Variants in MCTP2 observed in about 807,000 individuals in gnomAD.
The protein encoded by MCTP2 is multiple C2 and transmembrane domain-containing protein 2.
In MCTP2, 132 loss-of-function variants were observed where a neutral mutation model predicts 111.6. That is an observed-to-expected ratio of 1.18 (90% confidence interval 1.03 to 1.37). The LOEUF is 1.37. Ranked by LOEUF, MCTP2 falls within the 40% of genes most tolerant of loss-of-function variation. The pLI, the probability that MCTP2 is intolerant of heterozygous loss-of-function variation, is 0.00. For missense variants in MCTP2, 1,183 were observed against 1,067.9 expected, an observed-to-expected ratio of 1.11 and a Z score of -1.50; for synonymous variants, 395 against 387.7, an observed-to-expected ratio of 1.02 and a Z score of -0.22.
rs964690177 is a variant in MCTP2, at chr15:94,400,111, C to T, written c.1965+116C>T. 2.2e-5 allele frequency: 18 copies of T among 806,712 alleles called. No individual in the cohort carries two copies. In the African/African-American group the frequency reaches 2.9e-4, roughly 13 times the overall value. The allele number at this position is 806,712 out of a possible 1,614,324, so 50.0% of individuals were successfully genotyped here. Reference sequence around the variant, plus strand: ...ACTTTTCCTCCCTCTTACTCCTCCTCTCTCCCTCTTGCCCCATCTCTCCAC... The same window carrying T: ...ACTTTTCCTCCCTCTTACTCCTCCTTTCTCCCTCTTGCCCCATCTCTCCAC... On this transcript the variant is annotated intron_variant, in intron 16 of 22. Coordinates refer to ENST00000357742, the MANE Select transcript of MCTP2 (RefSeq NM_001385001.1).
intron 14 of MCTP2, among the ~76,000 whole-genome samples, chr15:94,391,661 T>C (rs754057049): frequency 1.3e-5 from 2 of 152,192 alleles, no homozygotes; most frequent in African/African-American, 4.8e-5. Flanking sequence ...AATGTAACCA[T>C]TGAAATAAAT....
intron 15 of MCTP2, 41 bp from the exon 16 acceptor site, chr15:94,399,880 C>A: frequency 6.4e-7 from 1 of 1,554,046 alleles, no homozygotes; most frequent in South Asian, 1.1e-5. Flanking sequence ...GATGAAGTCC[C>A]TATACATGCT....
At chr15:94,257,308 G>T (rs2072839855) in intron 1 of MCTP2, among the ~76,000 whole-genome samples, 1 of 152,014 alleles carries the variant, frequency 6.6e-6, no homozygotes, top group Admixed American at 6.6e-5. Flanking sequence ...CAGGACCCTT[G>T]TCTGATTTGA....
At chr15:94,390,892 G>A (rs1025314186) in intron 14 of MCTP2, among the ~76,000 whole-genome samples, 2 of 151,854 alleles carry the variant, frequency 1.3e-5, no homozygotes, top group Non-Finnish European at 2.9e-5. Flanking sequence ...ACCATGCCTG[G>A]CTAATTTTTG....
chr15:94,243,358 T>C (rs1475215610), intron 1 of MCTP2, among the ~76,000 whole-genome samples: 2 of 147,902 alleles, frequency 1.4e-5, no homozygotes, highest in Middle Eastern at 3.5e-3. Context: ...TACATACGTA[T>C]GCGTATATGC....
chr15:94,417,273 T>C (rs1428654752), intron 17 of MCTP2, among the ~76,000 whole-genome samples: 1 of 152,140 alleles, frequency 6.6e-6, no homozygotes, highest in African/African-American at 2.4e-5. Flanking sequence ...AAGAAAGACT[T>C]TATTTTCTAT....
At chr15:94,267,869 C>CTTTGTTTTTTTTTTT (rs1555443740) in intron 1 of MCTP2, among the ~76,000 whole-genome samples, 1 of 77,454 alleles carries the variant, frequency 1.3e-5, no homozygotes, top group Non-Finnish European at 2.2e-5. Context: ...CCTTTTCTTT[C>CTTTGTTTTTTTTTTT]TTTTTTTTTT....
intron 17 of MCTP2, among the ~76,000 whole-genome samples, chr15:94,437,719 T>A (rs573564964): frequency 6.6e-6 from 1 of 152,186 alleles, no homozygotes; most frequent in African/African-American, 2.4e-5. Context: ...ACTCAGATAT[T>A]GTATGGTTAC....
At chr15:94,461,072 CCT>C (rs1352876457) in intron 20 of MCTP2, among the ~76,000 whole-genome samples, 1 of 152,184 alleles carries the variant, frequency 6.6e-6, no homozygotes, top group Non-Finnish European at 1.5e-5. Flanking sequence ...GAACTGTATT[CCT>C]TTTTTCCTAC....
At chr15:94,341,064 T>C in intron 7 of MCTP2, 140 bp downstream of exon 7, 1 of 604,884 alleles carries the variant, frequency 1.7e-6, no homozygotes, top group Non-Finnish European at 3.0e-6. Context: ...TATGGAGTCT[T>C]AAAATATCTG....
intron 4 of MCTP2, among the ~76,000 whole-genome samples, chr15:94,337,340 GA>G (rs2077411128): frequency 6.6e-6 from 1 of 152,132 alleles, no homozygotes; most frequent in African/African-American, 2.4e-5. Context: ...GATGCCTGGG[GA>G]TTACCCAGTA....
chr15:94,315,769 T>C (rs2076351970), intron 4 of MCTP2, 132 bp downstream of exon 4: 4 of 644,408 alleles, frequency 6.2e-6, no homozygotes, highest in Non-Finnish European at 1.1e-5. Context: ...TCTAAGTCTC[T>C]CCAGGTATAA....
At chr15:94,443,065 A>G in intron 19 of MCTP2, 105 bp downstream of exon 19, 1 of 670,486 alleles carries the variant, frequency 1.5e-6, no homozygotes, top group Non-Finnish European at 2.3e-6. Context: ...TTTTTTTTTT[A>G]ATATGATAGA....
At chr15:94,310,443 T>A (rs749567724) in intron 2 of MCTP2, among the ~76,000 whole-genome samples, 1 of 152,174 alleles carries the variant, frequency 6.6e-6, no homozygotes, top group Non-Finnish European at 1.5e-5. Context: ...TATGGCAGTG[T>A]ACACATGGAA....
chr15:94,310,939 C>G (rs2076099415), intron 2 of MCTP2, among the ~76,000 whole-genome samples: 1 of 150,706 alleles, frequency 6.6e-6, no homozygotes, highest in South Asian at 2.1e-4. Context: ...GAGACCTTGT[C>G]TCAAAAACAA....
intron 10 of MCTP2, among the ~76,000 whole-genome samples, chr15:94,365,589 A>G (rs78210850): frequency 0.15 from 22,368 of 152,154 alleles, 1,831 homozygotes; most frequent in Middle Eastern, 0.2. Flanking sequence ...TATTCCAATT[A>G]TGGTAATACT....
chr15:94,328,348 T>C (rs568645961), intron 4 of MCTP2, among the ~76,000 whole-genome samples: 16 of 152,256 alleles, frequency 1.1e-4, no homozygotes, highest in Admixed American at 2.6e-4. Flanking sequence ...CAGGATGGTC[T>C]TGATCTCCTG....
chr15:94,318,142 T>G (rs1193276824), intron 4 of MCTP2, among the ~76,000 whole-genome samples: 1 of 152,196 alleles, frequency 6.6e-6, no homozygotes, highest in Non-Finnish European at 1.5e-5. Context: ...GATTATCAAA[T>G]TCATTTTGTA....
At chr15:94,234,241 C>T (rs1055273639) in intron 1 of MCTP2, among the ~76,000 whole-genome samples, 1 of 151,822 alleles carries the variant, frequency 6.6e-6, no homozygotes, top group South Asian at 2.1e-4. Flanking sequence ...TTTGTGAGGC[C>T]TAAAAGGTAA....
Sources: allele counts gnomAD v4.1 joint callset (sites outside exome capture counted in the v4.1 genomes callset), GRCh38; gene constraint gnomAD v4.1.1; transcripts MANE v1.5; gene names NCBI Gene and HGNC (gene_info 2026-07-23, HGNC 2026-07-21).